LRRC51: variants seen among roughly 807,000 people sequenced by gnomAD.
LRRC51 encodes leucine rich repeat containing 51.
A neutral mutation model predicts 17.8 loss-of-function variants in LRRC51; 8 were observed. The ratio of observed to expected loss-of-function variants is 0.45; its 90% confidence interval spans 0.26 to 0.81. The LOEUF (loss-of-function observed/expected upper bound fraction) is 0.81, where lower values mean the gene tolerates loss of function less well. Among genes scored for constraint, LRRC51 ranks in the 30% least tolerant of loss-of-function variants. The pLI is 0.17. For synonymous variants in LRRC51, 92 were observed against 96.0 expected (o/e 0.96, Z 0.24); for missense variants, 233 against 239.3 (o/e 0.97, Z 0.17).
chr11:72,090,051 CTT>C (rs1944765005), intron 3 of LRRC51, among the ~76,000 whole-genome samples: 1 of 152,220 alleles, frequency 6.6e-6, no homozygotes, highest in Admixed American at 6.5e-5. Context: ...TAGCCACTGC[CTT>C]TAAGCTCGGG....
In LRRC51 at chr11:72,091,036, C is replaced by G. The variant is rs576420600; in HGVS notation, c.82+1871C>G. ...CTCTGAACAAGGAACTTTACAGATTCTTAGGCAGTGTAGTGCATTGGTGGA... is the reference window on the plus strand; with the variant it reads ...CTCTGAACAAGGAACTTTACAGATTGTTAGGCAGTGTAGTGCATTGGTGGA... On this transcript the variant is annotated intron_variant, in intron 3 of 5. Coordinates refer to ENST00000289488, the MANE Select transcript of LRRC51 (RefSeq NM_145309.6). Among the ~76,000 whole-genome samples the G allele has an allele frequency of 3.9e-5, 6 of 152,304 alleles. No individual in the cohort carries two copies. In the South Asian group the frequency reaches 1.2e-3, roughly 32 times the overall value.
intron 3 of LRRC51, 117 bp from the exon 4 acceptor site, chr11:72,093,379 G>C: frequency 1.0e-6 from 1 of 965,180 alleles, no homozygotes. Flanking sequence ...CAGGGCTATG[G>C]CCCTTCCAGA....
intron 1 of LRRC51, among the ~76,000 whole-genome samples, chr11:72,082,083 T>C (rs2136460131): frequency 6.6e-6 from 1 of 152,294 alleles, no homozygotes; most frequent in East Asian, 1.9e-4. Context: ...CAAGTTAAAC[T>C]GCCCCAGGGA....
At chr11:72,084,861 CGTGTGTGTGTGTGTGTGTGTGTGT>C (rs55904624) in intron 1 of LRRC51, among the ~76,000 whole-genome samples, 15 of 124,314 alleles carry the variant, frequency 1.2e-4, no homozygotes, top group Admixed American at 2.8e-4. Context: ...AAAAGAAAAC[CGTGTGTGTGTGTGTGTGTGTGTGT>C]GTGTGTGTGT....
chr11:72,086,882 T>C (rs903785881), intron 1 of LRRC51, among the ~76,000 whole-genome samples: 1 of 152,224 alleles, frequency 6.6e-6, no homozygotes, highest in Non-Finnish European at 1.5e-5. Flanking sequence ...TGCTCAAAGG[T>C]ATCAAATCTG....
chr11:72,084,836 C>A (rs1476747537), intron 1 of LRRC51, among the ~76,000 whole-genome samples: 628 of 101,606 alleles, frequency 6.2e-3, no homozygotes, highest in Middle Eastern at 0.012. Context: ...GACCTTGTCT[C>A]AAAAAAAAAA....
chr11:72,093,030 A>T (rs1328501656), intron 3 of LRRC51, among the ~76,000 whole-genome samples: 1 of 152,234 alleles, frequency 6.6e-6, no homozygotes, highest in Non-Finnish European at 1.5e-5. Flanking sequence ...TTTGTTTATC[A>T]CTGTATATCC....
intron 5 of LRRC51, 37 bp downstream of exon 5, chr11:72,095,133 G>A (rs1438696655): frequency 6.2e-7 from 1 of 1,609,170 alleles, no homozygotes; most frequent in Non-Finnish European, 8.5e-7. Context: ...GTCTAGCTGG[G>A]CTCCCCTAAA....
chr11:72,085,082 C>G (rs1313994775), intron 1 of LRRC51, among the ~76,000 whole-genome samples: 1 of 152,084 alleles, frequency 6.6e-6, no homozygotes, highest in Non-Finnish European at 1.5e-5. Flanking sequence ...ATGAGAAATT[C>G]CAGTTCCGAA....
chr11:72,083,015 G>A (rs749148841), intron 1 of LRRC51, among the ~76,000 whole-genome samples: 4 of 152,190 alleles, frequency 2.6e-5, no homozygotes, highest in East Asian at 1.9e-4. Flanking sequence ...ACAGGCATGC[G>A]CCACCACACC....
chr11:72,090,177 T>A (rs143345789), intron 3 of LRRC51, among the ~76,000 whole-genome samples: 1 of 152,210 alleles, frequency 6.6e-6, no homozygotes, highest in Non-Finnish European at 1.5e-5. Context: ...CCTGCTGTGA[T>A]CTTTATTGTG....
chr11:72,088,448 A>G, intron 2 of LRRC51, 68 bp downstream of exon 2: 1 of 699,580 alleles, frequency 1.4e-6, no homozygotes, highest in Non-Finnish European at 2.6e-6. Context: ...CATTCAGGAT[A>G]GGGCTGAAAG....
At chr11:72,085,036 A>G (rs1431021162) in intron 1 of LRRC51, among the ~76,000 whole-genome samples, 1 of 152,162 alleles carries the variant, frequency 6.6e-6, no homozygotes, top group East Asian at 1.9e-4. Context: ...TTTACAGTTA[A>G]AAAACAAAAC....
At chr11:72,092,464 G>T (rs1944915415) in intron 3 of LRRC51, among the ~76,000 whole-genome samples, 1 of 152,170 alleles carries the variant, frequency 6.6e-6, no homozygotes, top group African/African-American at 2.4e-5. Flanking sequence ...AGCCAAATTG[G>T]TCATTTGGTC....
At chr11:72,084,131 G>A (rs1219270578) in intron 1 of LRRC51, among the ~76,000 whole-genome samples, 1 of 152,174 alleles carries the variant, frequency 6.6e-6, no homozygotes, top group African/African-American at 2.4e-5. Flanking sequence ...CAAGTAGCTG[G>A]GACTATAGGC....
chr11:72,087,473 A>G (rs994242849), intron 1 of LRRC51, among the ~76,000 whole-genome samples: 9 of 152,022 alleles, frequency 5.9e-5, no homozygotes, highest in African/African-American at 2.2e-4. Flanking sequence ...TGCCAATTTC[A>G]TTGTCTCTGC....
intron 3 of LRRC51, among the ~76,000 whole-genome samples, chr11:72,091,641 G>A (rs1944866762): frequency 6.6e-6 from 1 of 152,174 alleles, no homozygotes; most frequent in Non-Finnish European, 1.5e-5. Flanking sequence ...GTGGGAGTGA[G>A]GCTTTGGGGT....
At chr11:72,083,921 G>C (rs1944383467) in intron 1 of LRRC51, 1 of 152,222 alleles carries the variant, frequency 6.6e-6, no homozygotes, top group Non-Finnish European at 1.5e-5. Flanking sequence ...GGGTGGACAG[G>C]AGCCAGGTTG....
At chr11:72,094,450 C>G in intron 4 of LRRC51, 3 of 538,526 alleles carry the variant, frequency 5.6e-6, no homozygotes, top group Non-Finnish European at 9.8e-6. Flanking sequence ...TCTGTGAACT[C>G]AGATTCAAGT....
Sources: gnomAD v4.1 joint callset for allele counts (sites outside exome capture counted in the v4.1 genomes callset) on GRCh38, gnomAD v4.1.1 for gene constraint, MANE v1.5 for transcripts, NCBI Gene and HGNC (gene_info 2026-07-23, HGNC 2026-07-21) for gene names.